MEIS1: variants seen among roughly 807,000 people sequenced by gnomAD.
The protein encoded by MEIS1 is homeobox protein Meis1.
Under a neutral mutation model 50.8 loss-of-function variants are expected in MEIS1, and 5 were observed. That is an observed-to-expected ratio of 0.10 (90% CI 0.05 to 0.21). The LOEUF (loss-of-function observed/expected upper bound fraction) is 0.21. Ranked by LOEUF, MEIS1 falls within the 10% of genes least tolerant of loss-of-function variation. The pLI is 1.00. For missense variants in MEIS1, 318 were observed against 517.3 expected, an observed-to-expected ratio of 0.61 and a Z score of 3.74; for synonymous variants, 176 against 179.3, an observed-to-expected ratio of 0.98 and a Z score of 0.15.
chr2:66,495,837 G>C (rs1374249208), intron 7 of MEIS1, among the ~76,000 whole-genome samples: 2 of 152,166 alleles, frequency 1.3e-5, no homozygotes, highest in Non-Finnish European at 2.9e-5. Flanking sequence ...CAGGCAGCTG[G>C]GTGGTTCAAG....
intron 8 of MEIS1, among the ~76,000 whole-genome samples, chr2:66,526,454 T>C (rs556389709): frequency 3.3e-5 from 5 of 152,274 alleles, no homozygotes; most frequent in Non-Finnish European, 5.9e-5. Context: ...CCAGTTTGCA[T>C]AGATAAAAAG....
chr2:66,532,549 T>G (rs553820401), intron 8 of MEIS1, among the ~76,000 whole-genome samples: 83 of 152,154 alleles, frequency 5.5e-4, no homozygotes, highest in African/African-American at 1.7e-3. Flanking sequence ...ATAGGGCCCC[T>G]GAGAGCATCC....
intron 8 of MEIS1, among the ~76,000 whole-genome samples, chr2:66,532,711 G>A (rs11693646): frequency 0.23 from 35,625 of 151,874 alleles, 5,136 homozygotes; most frequent in Non-Finnish European, 0.33. Flanking sequence ...TGTAATAGTC[G>A]AGTTCCTCAT....
intron 8 of MEIS1, among the ~76,000 whole-genome samples, chr2:66,522,661 AT>A (rs1443499649): frequency 6.6e-6 from 1 of 152,204 alleles, no homozygotes; most frequent in Non-Finnish European, 1.5e-5. Flanking sequence ...TGAAAAGGCA[AT>A]TTGTGAAATT....
intron 7 of MEIS1, among the ~76,000 whole-genome samples, chr2:66,464,945 C>T (rs547924378): frequency 2.6e-5 from 4 of 152,236 alleles, no homozygotes; most frequent in African/African-American, 9.6e-5. Context: ...TTCATGAGAG[C>T]CCGCTGTGTG....
chr2:66,450,404 T>C (rs1672250652), intron 6 of MEIS1, among the ~76,000 whole-genome samples: 1 of 152,078 alleles, frequency 6.6e-6, no homozygotes, highest in Non-Finnish European at 1.5e-5. Flanking sequence ...GCTGAGGAGC[T>C]GCCAGCTTGG....
rs550359794 is a variant in MEIS1 at position 66,467,371 on chromosome 2, G to C, written c.742+3151G>C. On this transcript the variant is annotated intron_variant, in intron 7 of 12. Transcript: ENST00000272369. The stretch of plus-strand genomic sequence containing the variant: ...CAGCAGTTTAGGAGGCCGAGGTAGG[G>C]GGGGGTCACAAGGTCAGGAGTTCAA... Among the ~76,000 whole-genome samples the C allele has an allele frequency of 2.6e-5, 4 of 152,148 alleles. No homozygotes were observed. The East Asian group carries it at 7.7e-4, about 29-fold the overall frequency.
chr2:66,512,328 A>T (rs771121401), intron 8 of MEIS1, 34 bp downstream of exon 8: 19 of 1,584,658 alleles, frequency 1.2e-5, no homozygotes, highest in Non-Finnish European at 5.1e-6. Context: ...TATAAACTAA[A>T]TATGGACAAT....
Position 66,571,577 on chromosome 2 carries a change from G to GT in MEIS1, c.*375dup, listed in dbSNP as rs1178338965. 5.2e-6 allele frequency: 8 copies of GT among 1,546,842 alleles called. No individual in the cohort carries two copies. Among genetic ancestry groups the GT allele is most frequent in the African/African-American group, 1.4e-5 (1 of 73,052 alleles). On this transcript the variant is annotated 3_prime_UTR_variant, in exon 13 of 13. Transcript: ENST00000272369. ...GCAATGGTGACTGATTTCAAATCATGTTTTTTCTGCAATGACTGTGGAGTT... is the reference window on the plus strand; with the variant it reads ...GCAATGGTGACTGATTTCAAATCATGTTTTTTTCTGCAATGACTGTGGAGTT...
At chr2:66,544,909 T>G (rs1011385979) in intron 8 of MEIS1, among the ~76,000 whole-genome samples, 1 of 152,176 alleles carries the variant, frequency 6.6e-6, no homozygotes, top group African/African-American at 2.4e-5. Flanking sequence ...TTACTACCCT[T>G]TGAAGCTCCA....
chr2:66,562,868 A>G (rs1675252518), intron 9 of MEIS1, among the ~76,000 whole-genome samples: 1 of 152,198 alleles, frequency 6.6e-6, no homozygotes. Context: ...AGTACTTCAC[A>G]AAAGAAGACT....
At chr2:66,442,514 C>T (rs1672019801) in intron 5 of MEIS1, among the ~76,000 whole-genome samples, 1 of 152,094 alleles carries the variant, frequency 6.6e-6, no homozygotes, top group Non-Finnish European at 1.5e-5. Context: ...CATATATACA[C>T]ACGTATACAT....
At chr2:66,495,593 T>C (rs965418777) in intron 7 of MEIS1, among the ~76,000 whole-genome samples, 1 of 152,212 alleles carries the variant, frequency 6.6e-6, no homozygotes, top group African/African-American at 2.4e-5. Flanking sequence ...ATGTAAATTA[T>C]ACTCTCATAG....
intron 6 of MEIS1, among the ~76,000 whole-genome samples, chr2:66,457,957 G>A (rs764025171): frequency 6.6e-6 from 1 of 152,198 alleles, no homozygotes; most frequent in Non-Finnish European, 1.5e-5. Context: ...AGAGACCCTG[G>A]TGATTTGAGA....
At chr2:66,493,804 TA>T (rs779651609) in intron 7 of MEIS1, among the ~76,000 whole-genome samples, 43 of 152,134 alleles carry the variant, frequency 2.8e-4, no homozygotes, top group Non-Finnish European at 5.3e-4. Flanking sequence ...AAAGCCAGCT[TA>T]AAAAAAGATG....
intron 7 of MEIS1, among the ~76,000 whole-genome samples, chr2:66,490,948 G>A (rs1349907573): frequency 2.6e-5 from 4 of 152,122 alleles, no homozygotes; most frequent in South Asian, 4.1e-4. Flanking sequence ...TTATCTCTCC[G>A]GTTCATTGTT....
At position 66,440,069 on chromosome 2, in the gene MEIS1, A is replaced by ACACACACC; in HGVS notation, c.381+92_381+93insCCACACAC. 4.5e-6 allele frequency: 3 copies of ACACACACC among 661,372 alleles called. 1 individual carries two copies. Among genetic ancestry groups the ACACACACC allele is most frequent in the South Asian group, 4.3e-5 (2 of 46,696 alleles). 41.0% of individuals were successfully genotyped at this position (661,372 alleles called of 1,614,324 possible). On this transcript the variant is annotated intron_variant, in intron 3 of 12. Transcript: ENST00000272369. ...CACACACGCGCGCGCGCGCGCGCGA[A>ACACACACC]CACACACACACACACACACACACGG...
intron 8 of MEIS1, among the ~76,000 whole-genome samples, chr2:66,544,744 A>G (rs1674748238): frequency 6.6e-6 from 1 of 152,160 alleles, no homozygotes; most frequent in Non-Finnish European, 1.5e-5. Flanking sequence ...AATTAGATAC[A>G]GTTTGTTCCA....
intron 8 of MEIS1, among the ~76,000 whole-genome samples, chr2:66,532,977 T>C (rs1358479003): frequency 1.3e-5 from 2 of 152,190 alleles, no homozygotes; most frequent in Non-Finnish European, 2.9e-5. Flanking sequence ...AATCAATTAA[T>C]TATAACCATT....
Sources: gnomAD v4.1 joint callset for allele counts (sites outside exome capture counted in the v4.1 genomes callset) on GRCh38, gnomAD v4.1.1 for gene constraint, MANE v1.5 for transcripts, NCBI Gene and HGNC (gene_info 2026-07-23, HGNC 2026-07-21) for gene names.